The following CNTN4 variants were observed in gnomAD, a reference collection of about 807,000 sequenced individuals.
CNTN4 encodes the protein contactin 4.
In CNTN4, 77 loss-of-function variants were observed where a neutral mutation model predicts 122.5. The observed-to-expected ratio is 0.63, with a 90% confidence interval of 0.52 to 0.76. The LOEUF is 0.76. Ranked by LOEUF, CNTN4 falls within the 30% of genes least tolerant of loss-of-function variation. The pLI is 0.00. For synonymous variants in CNTN4, 512 were observed against 447.0 expected (o/e 1.15, Z -1.83); for missense variants, 1,256 against 1,259.1 (o/e 1.00, Z 0.04).
intron 6 of CNTN4, among the ~76,000 whole-genome samples, chr3:2,818,068 CT>C (rs2092779173): frequency 1.3e-5 from 2 of 152,168 alleles, no homozygotes; most frequent in Admixed American, 1.3e-4. Flanking sequence ...ACCTGGCAGT[CT>C]TTGGTTTGCT....
chr3:2,834,777 T>C (rs1297881780), intron 7 of CNTN4, among the ~76,000 whole-genome samples: 1 of 150,694 alleles, frequency 6.6e-6, no homozygotes, highest in Non-Finnish European at 1.5e-5. Flanking sequence ...AATGCAATGA[T>C]ACAAAATACC....
chr3:2,159,245 T>C (rs1399824767), intron 2 of CNTN4, among the ~76,000 whole-genome samples: 2 of 152,182 alleles, frequency 1.3e-5, no homozygotes, highest in Non-Finnish European at 2.9e-5. Context: ...CTCTTAAGTA[T>C]TTTTTGCATT....
chr3:2,136,149 A>G (rs1037060932), intron 2 of CNTN4, among the ~76,000 whole-genome samples: 4 of 152,170 alleles, frequency 2.6e-5, no homozygotes, highest in African/African-American at 9.7e-5. Context: ...TTGGAGGTGT[A>G]AGGATGTAAT....
At chr3:2,461,580 C>G (rs1361261225) in intron 3 of CNTN4, among the ~76,000 whole-genome samples, 1 of 152,214 alleles carries the variant, frequency 6.6e-6, no homozygotes, top group African/African-American at 2.4e-5. Flanking sequence ...ACTTGTATCA[C>G]TAGCCAACAT....
chr3:2,804,393 A>C (rs78144740), intron 6 of CNTN4, among the ~76,000 whole-genome samples: 1,548 of 152,330 alleles, frequency 0.01, 37 homozygotes, highest in African/African-American at 0.036. Context: ...TCGTTTACTA[A>C]CAATGTGTAC....
At chr3:2,248,359 T>C (rs2040235466) in intron 2 of CNTN4, among the ~76,000 whole-genome samples, 1 of 151,944 alleles carries the variant, frequency 6.6e-6, no homozygotes, top group African/African-American at 2.4e-5. Flanking sequence ...AAAGGAGTAA[T>C]AGTGAAGACT....
intron 4 of CNTN4, among the ~76,000 whole-genome samples, chr3:2,600,005 C>CTTTTTTTTTTTTTTTTTTT (rs1220761684): frequency 1.1e-4 from 3 of 28,268 alleles, no homozygotes; most frequent in Non-Finnish European, 1.9e-4. Context: ...TTATGGAATT[C>CTTTTTTTTTTTTTTTTTTT]TTCTTTTTTT....
chr3:3,046,278 T>C (rs1036510408), intron 23 of CNTN4, among the ~76,000 whole-genome samples: 1 of 152,070 alleles, frequency 6.6e-6, no homozygotes, highest in African/African-American at 2.4e-5. Flanking sequence ...ATACAGAGAA[T>C]GCCACAAAGA....
At chr3:2,576,663 T>TC (rs1281281455) in intron 4 of CNTN4, among the ~76,000 whole-genome samples, 2 of 151,768 alleles carry the variant, frequency 1.3e-5, no homozygotes, top group Non-Finnish European at 2.9e-5. Context: ...TTCTACTGCC[T>TC]CAGTCTCCTG....
At chr3:2,840,040 C>A (rs1418820068) in intron 7 of CNTN4, among the ~76,000 whole-genome samples, 1 of 152,164 alleles carries the variant, frequency 6.6e-6, no homozygotes. Context: ...TTCCTATAGG[C>A]ACAGCTTCCA....
chr3:2,688,370 A>G (rs535282810), intron 4 of CNTN4, among the ~76,000 whole-genome samples: 2 of 152,344 alleles, frequency 1.3e-5, no homozygotes, highest in South Asian at 4.1e-4. Flanking sequence ...TTTGATGTGA[A>G]AGGTACGAGT....
chr3:2,394,931 C>T lies in CNTN4; in HGVS notation c.-89+55698C>T, dbSNP rs572453743. ...CCTCCCAAGTAGCTTAGGTTACAGA[C>T]CCCCACCACCACACCCAGCTAACTT... On this transcript the variant is annotated intron_variant, in intron 3 of 24. Coordinates refer to ENST00000418658, the MANE Select transcript of CNTN4 (RefSeq NM_175607.3). Among the ~76,000 whole-genome samples the T allele has an allele frequency of 1.4e-3, 216 of 151,850 alleles. 1 individual carries two copies. Among genetic ancestry groups the T allele is most frequent in the Middle Eastern group, 0.01 (3 of 294 alleles).
At chr3:2,169,572 A>AT (rs200778540) in intron 2 of CNTN4, among the ~76,000 whole-genome samples, 88 of 150,898 alleles carry the variant, frequency 5.8e-4, no homozygotes, top group Admixed American at 1.9e-3. Flanking sequence ...CGCCCGGCTG[A>AT]TTTTTTTGTA....
intron 4 of CNTN4, among the ~76,000 whole-genome samples, chr3:2,667,434 G>T (rs1476279601): frequency 6.6e-6 from 1 of 152,026 alleles, no homozygotes; most frequent in Non-Finnish European, 1.5e-5. Context: ...TTGTTAATGG[G>T]GTTGTTTGAC....
intron 2 of CNTN4, among the ~76,000 whole-genome samples, chr3:2,303,557 A>G (rs531872881): frequency 2.1e-4 from 32 of 152,316 alleles, no homozygotes; most frequent in Non-Finnish European, 3.7e-4. Flanking sequence ...ATTACATTGT[A>G]TGGATATACC....
At chr3:2,480,060 T>C (rs2075946873) in intron 3 of CNTN4, among the ~76,000 whole-genome samples, 1 of 151,996 alleles carries the variant, frequency 6.6e-6, no homozygotes, top group South Asian at 2.1e-4. Context: ...ATTTGACAGA[T>C]TCAACACTCA....
chr3:2,254,475 CA>C (rs1384474447), intron 2 of CNTN4, among the ~76,000 whole-genome samples: 1 of 152,134 alleles, frequency 6.6e-6, no homozygotes. Context: ...CACTGTCTTC[CA>C]CAGTGGTTGA....
intron 2 of CNTN4, among the ~76,000 whole-genome samples, chr3:2,225,043 G>C (rs559686825): frequency 2.6e-5 from 4 of 151,862 alleles, no homozygotes; most frequent in African/African-American, 9.7e-5. Context: ...CCAGCTACTC[G>C]GGAGGCTGAG....
At chr3:2,958,861 T>C (rs1654939926) in intron 13 of CNTN4, among the ~76,000 whole-genome samples, 1 of 152,324 alleles carries the variant, frequency 6.6e-6, no homozygotes, top group African/African-American at 2.4e-5. Context: ...CTAGATTTTA[T>C]GAACTTATGG....
Sources: allele counts gnomAD v4.1 joint callset (sites outside exome capture counted in the v4.1 genomes callset), GRCh38; gene constraint gnomAD v4.1.1; transcripts MANE v1.5; gene names NCBI Gene and HGNC (gene_info 2026-07-23, HGNC 2026-07-21).